Variants in ACYP1 observed in about 807,000 individuals in gnomAD.
ACYP1 encodes acylphosphatase-1.
ACYP1 carries 8 observed loss-of-function variants against 10.4 expected under a neutral mutation model. That is an observed-to-expected ratio of 0.77 (90% CI 0.45 to 1.38). The LOEUF (loss-of-function observed/expected upper bound fraction) is 1.38, where lower values mean the gene tolerates loss of function less well. Among genes scored for constraint, ACYP1 ranks in the 40% most tolerant of loss-of-function variants. The pLI, the probability that ACYP1 is intolerant of heterozygous loss-of-function variation, is 0.00. For synonymous variants in ACYP1, 38 were observed against 40.8 expected, an observed-to-expected ratio of 0.93 and a Z score of 0.26; for missense variants, 93 against 117.3, an observed-to-expected ratio of 0.79 and a Z score of 0.96.
At chr14:75,062,679 AAAG>A (rs1325967641) in intron 2 of ACYP1, among the ~76,000 whole-genome samples, 100 of 141,098 alleles carry the variant, frequency 7.1e-4, no homozygotes, top group Middle Eastern at 3.7e-3. Flanking sequence ...AAAAAAAAAA[AAAG>A]AAGTTTTGCA....
intron 2 of ACYP1, among the ~76,000 whole-genome samples, chr14:75,056,388 T>C (rs1209940279): frequency 6.6e-6 from 1 of 151,488 alleles, no homozygotes; most frequent in Admixed American, 6.6e-5. Context: ...CTGTGGTACT[T>C]AAAATTCAAA....
intron 1 of ACYP1, 83 bp from the exon 2 acceptor site, chr14:75,063,644 C>T (rs904028743): frequency 9.1e-7 from 1 of 1,100,278 alleles, no homozygotes; most frequent in Middle Eastern, 2.1e-4. Context: ...CCACACCCAC[C>T]CCTGTCCATC....
At chr14:75,062,659 C>G (rs376384134) in intron 2 of ACYP1, among the ~76,000 whole-genome samples, 1 of 103,422 alleles carries the variant, frequency 9.7e-6, no homozygotes, top group African/African-American at 3.5e-5. Flanking sequence ...ACTAAAAATA[C>G]AAAAAAAAAA....
chr14:75,063,589 T>A, intron 1 of ACYP1, 28 bp from the exon 2 acceptor site: 1 of 1,584,038 alleles, frequency 6.3e-7, no homozygotes, highest in Non-Finnish European at 8.7e-7. Flanking sequence ...AGCAGAAGAG[T>A]GAAGGGCTAT....
upstream of ACYP1, among the ~76,000 whole-genome samples, chr14:75,066,840 A>G (rs73309755): frequency 0.017 from 2,562 of 152,262 alleles, 64 homozygotes; most frequent in African/African-American, 0.056. Flanking sequence ...TGACAGAGCA[A>G]GACTGTCTCA....
intron 2 of ACYP1, among the ~76,000 whole-genome samples, chr14:75,060,606 G>T (rs1018017921): frequency 2.0e-5 from 3 of 152,206 alleles, no homozygotes; most frequent in Middle Eastern, 3.4e-3. Flanking sequence ...TTGATGAATG[G>T]ATAAATGAAA....
chr14:75,053,883 C>G (rs933164944), intron 2 of ACYP1, among the ~76,000 whole-genome samples: 57 of 152,226 alleles, frequency 3.7e-4, no homozygotes, highest in Admixed American at 5.9e-4. Context: ...AAAACCCAGG[C>G]ACTAGAATTT....
At chr14:75,058,070 A>G (rs1892926673) in intron 2 of ACYP1, among the ~76,000 whole-genome samples, 1 of 150,172 alleles carries the variant, frequency 6.7e-6, no homozygotes, top group Admixed American at 6.6e-5. Flanking sequence ...TAAGCATGAG[A>G]CTGTCACTGG....
exon 1 of ACYP1, chr14:75,069,370 C>G (rs1566624122): frequency 2.6e-6 from 3 of 1,145,500 alleles, no homozygotes; most frequent in Non-Finnish European, 3.5e-6. Flanking sequence ...GGTCTGGGAG[C>G]GTCGTTCTCA....
Position 75,053,437 on chromosome 14 carries a change from C to G in ACYP1, c.*7G>C. 1 of 1,612,874 alleles carries G rather than the reference C, an allele frequency of 6.2e-7. No homozygotes were observed. Among genetic ancestry groups the G allele is most frequent in the East Asian group, 2.2e-5 (1 of 44,878 alleles). ...GAGTTTATCTTAGAAAACTTAAATT[C>G]AGGCCATTATTTTACAATTTGGAAG... On this transcript the variant is annotated 3_prime_UTR_variant, in exon 3 of 3. Coordinates refer to ENST00000238618, the MANE Select transcript of ACYP1 (RefSeq NM_001107.5).
At chr14:75,057,711 G>A (rs1892908846) in intron 2 of ACYP1, among the ~76,000 whole-genome samples, 1 of 151,154 alleles carries the variant, frequency 6.6e-6, no homozygotes, top group South Asian at 2.1e-4. Flanking sequence ...GCTCACACCT[G>A]TAATCCCAGC....
In ACYP1 at chr14:75,063,975, CT is replaced by C; in HGVS notation, c.-31del. On this transcript the variant is annotated 5_prime_UTR_variant, in exon 1 of 3. Transcript: ENST00000238618. ...TCACCCTCCTTGTCTTCCCCACCGGCTGCCAGGATCACTCCGGGACCACCAC... is the reference window on the plus strand; with the variant it reads ...TCACCCTCCTTGTCTTCCCCACCGGCGCCAGGATCACTCCGGGACCACCAC... 1.0e-6 allele frequency: 1 copy of C among 997,400 alleles called. No individual in the cohort carries two copies. Among genetic ancestry groups the C allele is most frequent in the Non-Finnish European group, 1.2e-6 (1 of 836,502 alleles). 61.8% of individuals were successfully genotyped at this position (997,400 alleles called of 1,614,324 possible).
upstream of ACYP1, among the ~76,000 whole-genome samples, chr14:75,065,999 C>G (rs1358648370): frequency 2.6e-5 from 4 of 152,104 alleles, no homozygotes; most frequent in Non-Finnish European, 5.9e-5. Context: ...GGTTTGCTAC[C>G]CTGCTTGTGC....
chr14:75,063,400 G>T (rs2139659877), intron 2 of ACYP1, 70 bp downstream of exon 2: 1 of 1,333,052 alleles, frequency 7.5e-7, no homozygotes, highest in Non-Finnish European at 1.1e-6. Context: ...GTTCACATTT[G>T]TCAAGAACAC....
Position 75,063,444 on chromosome 14 carries a change from C to G in ACYP1, c.84+26G>C, listed in dbSNP as rs772058987. 9 of 1,600,216 alleles carry G rather than the reference C, an allele frequency of 5.6e-6. No individual in the cohort carries two copies. In the African/African-American group the frequency reaches 1.1e-4, roughly 19 times the overall value. On this transcript the variant is annotated intron_variant, in intron 2 of 2. Coordinates refer to ENST00000238618, the MANE Select transcript of ACYP1 (RefSeq NM_001107.5). ...TTCCTATGCCCACAACCTAGGTTAC[C>G]ACCCCAAAGCCTGCAGGCCACATAC...
chr14:75,068,396 C>T (rs1025517538), upstream of ACYP1, among the ~76,000 whole-genome samples: 1 of 151,996 alleles, frequency 6.6e-6, no homozygotes, highest in African/African-American at 2.4e-5. Flanking sequence ...AGTCAATTCC[C>T]GGAGGGTACT....
upstream of ACYP1, among the ~76,000 whole-genome samples, chr14:75,066,004 T>C (rs1266100399): frequency 6.6e-6 from 1 of 152,204 alleles, no homozygotes; most frequent in Non-Finnish European, 1.5e-5. Flanking sequence ...GCTACCCTGC[T>C]TGTGCATCAG....
chr14:75,056,373 T>G (rs1892877808), intron 2 of ACYP1, among the ~76,000 whole-genome samples: 1 of 151,624 alleles, frequency 6.6e-6, no homozygotes, highest in Non-Finnish European at 1.5e-5. Flanking sequence ...GTCTCATTCC[T>G]GGGACTGTGG....
At position 75,053,583 on chromosome 14, in the gene ACYP1, C is replaced by T. The variant is rs1173132014; in HGVS notation, c.161G>A (p.Gly54Asp). 1 of 1,614,020 alleles carries T rather than the reference C, an allele frequency of 6.2e-7. No homozygotes were observed. Among genetic ancestry groups the T allele is most frequent in the Non-Finnish European group, 8.5e-7 (1 of 1,180,026 alleles). ...DRGTVQGQLQ[G>D]PISKVRHMQE... ...CATATGACGCACCTTGGAGATGGGA[C>T]CTTGCAATTGTCCTTGCACTGTGCC... The change falls in exon 3 of 3, where the codon GGT becomes GAT. Residue 54 changes from glycine (G) to aspartate (D), a missense_variant. Physicochemically the swap from Gly to Asp is moderately conservative, Grantham distance 94. Coordinates refer to ENST00000238618, the MANE Select transcript of ACYP1 (RefSeq NM_001107.5).
Sources: allele counts gnomAD v4.1 joint callset (sites outside exome capture counted in the v4.1 genomes callset), GRCh38; gene constraint gnomAD v4.1.1; transcripts MANE v1.5; gene names NCBI Gene and HGNC (gene_info 2026-07-23, HGNC 2026-07-21).